SALL4: variants seen among roughly 807,000 people sequenced by gnomAD.
SALL4 encodes sal-like protein 4.
Under a neutral mutation model 60.8 loss-of-function variants are expected in SALL4, and 4 were observed. That is an observed-to-expected ratio of 0.07 (90% CI 0.03 to 0.15). The LOEUF is 0.15. Ranked by LOEUF, SALL4 falls within the 10% of genes least tolerant of loss-of-function variation. The pLI is 1.00. For missense variants in SALL4, 1,178 were observed against 1,394.7 expected (o/e 0.84, Z 2.48); for synonymous variants, 580 against 574.9 (o/e 1.01, Z -0.13).
In SALL4 at chr20:51,802,495, G is replaced by A. The variant is rs1432215857; in HGVS notation, c.-87C>T. On this transcript the variant is annotated 5_prime_UTR_variant, in exon 1 of 4. Coordinates refer to ENST00000217086, the MANE Select transcript of SALL4 (RefSeq NM_020436.5). Reference sequence around the variant, plus strand: ...GGAGTTGGGAAATTTACCCCCCTTCGGCCGGAACGCGCATGTCCCAGTAAT... The same window carrying A: ...GGAGTTGGGAAATTTACCCCCCTTCAGCCGGAACGCGCATGTCCCAGTAAT... The A allele has an allele frequency of 3.1e-6, 5 of 1,590,158 alleles. No individual in the cohort carries two copies. In the East Asian group the frequency reaches 1.1e-4, roughly 36 times the overall value.
rs2078038681 is a variant in SALL4, at chr20:51,791,295, G to A, written c.1188C>T (p.Ser396=). The A allele has an allele frequency of 6.2e-7, 1 of 1,614,088 alleles. No homozygotes were observed. The highest frequency in any genetic ancestry group is 1.3e-5 in the African/African-American group (1 of 75,030). ...TGTGGGAGCGGAGGTGGATCTGCAA[G>A]GAGCTATCAGTCCCAAAAACCTTGC... The part of the protein sequence containing the change: ...YCSKVFGTDS[S]LQIHLRSHTG... Residue 396 remains serine, a synonymous_variant, in exon 2 of 4, where the codon TCC becomes TCT. Coordinates refer to ENST00000217086, the MANE Select transcript of SALL4 (RefSeq NM_020436.5). The surrounding 1 kb of genome is among the most constrained non-coding windows in gnomAD (Gnocchi z 4.6).
chr20:51,797,087 A>G (rs185971178), intron 1 of SALL4, among the ~76,000 whole-genome samples: 8 of 152,198 alleles, frequency 5.3e-5, no homozygotes, highest in Admixed American at 2.6e-4. Flanking sequence ...AATGATGAAT[A>G]TAAGCAACAT....
rs778174580 is a variant in SALL4, at chr20:51,791,335, T to G, written c.1148A>C (p.Lys383Thr). 6 of 1,614,136 alleles carry G rather than the reference T, an allele frequency of 3.7e-6. No homozygotes were observed. In the Admixed American group the frequency reaches 1.0e-4, roughly 27 times the overall value. ...PKDEAALYKH[K>T]CKYCSKVFGT... ...AAAAACCTTGCTACAGTACTTACACTTGTGCTTGTAGAGGGCCGCCTCGTC... is the reference window on the plus strand; with the variant it reads ...AAAAACCTTGCTACAGTACTTACACGTGTGCTTGTAGAGGGCCGCCTCGTC... The change falls in exon 2 of 4, where the codon AAG becomes ACG. Residue 383 changes from lysine (K) to threonine (T), a missense_variant. Coordinates refer to ENST00000217086, the MANE Select transcript of SALL4 (RefSeq NM_020436.5). The surrounding 1 kb of genome is among the most constrained non-coding windows in gnomAD (Gnocchi z 4.6).
chr20:51,792,278 C>G lies in SALL4; in HGVS notation c.205G>C (p.Glu69Gln), dbSNP rs1228101234. The part of the protein sequence containing the change: ...DEATVKRLRR[E>Q]ETHVCEKCCA... ...CATTTCTCACAGACGTGCGTCTCCT[C>G]CCGACGAAGCCGCTTTACTGTGGCT... Residue 69 changes from glutamate (E) to glutamine (Q), a missense_variant, in exon 2 of 4, where the codon GAG (glutamate) becomes CAG (glutamine). Glu to Gln is a conservative substitution (Grantham distance 29). Transcript: ENST00000217086. The G allele has an allele frequency of 6.2e-7, 1 of 1,611,808 alleles. No homozygotes were observed. Among genetic ancestry groups the G allele is most frequent in the Admixed American group, 1.7e-5 (1 of 60,024 alleles).
At position 51,790,853 on chromosome 20, in the gene SALL4, G is replaced by A. The variant is rs150402866; in HGVS notation, c.1630C>T (p.Pro544Ser). 5.6e-5 allele frequency: 91 copies of A among 1,614,080 alleles called. No homozygotes were observed. The African/African-American group carries it at 1.2e-3, about 21-fold the overall frequency. ...TGCAATTTCAGGGTCTCTGACCCTG[G>A]CTCAGGGGTCCCACTCCCTTGGAAG... is the stretch of plus-strand genomic sequence containing the variant. ...GGFQGSGTPE[P>S]GSETLKLQQL... is the part of the protein sequence containing the mutation. Residue 544 changes from proline (P) to serine (S), a missense_variant, in exon 2 of 4, where the codon CCA becomes TCA. This residue lies in a region of SALL4 where 853 missense variants were observed against 1,036.8 expected (regional missense o/e 0.82). Coordinates refer to ENST00000217086, the MANE Select transcript of SALL4 (RefSeq NM_020436.5). This position sits in a 1 kb window ranked among gnomAD's most constrained non-coding sequence, Gnocchi z 5.5.
intron 1 of SALL4, among the ~76,000 whole-genome samples, chr20:51,796,064 G>A (rs964681614): frequency 2.6e-5 from 4 of 151,744 alleles, no homozygotes; most frequent in Non-Finnish European, 5.9e-5. Context: ...GTGTGATGGT[G>A]TGCGCATCGC....
rs762866643 is a variant in SALL4, at chr20:51,790,342, C to G, written c.2141G>C (p.Ser714Thr). 2.5e-6 allele frequency: 4 copies of G among 1,614,114 alleles called. No homozygotes were observed. The African/African-American group carries it at 4.0e-5, about 16-fold the overall frequency. The change falls in exon 2 of 4, where the codon AGC becomes ACC. Residue 714 changes from serine to threonine, a missense_variant. By Grantham distance (58) the Ser-to-Thr change is moderately conservative. Coordinates refer to ENST00000217086, the MANE Select transcript of SALL4 (RefSeq NM_020436.5). The surrounding 1 kb of genome is among the most constrained non-coding windows in gnomAD (Gnocchi z 5.5). ...TAGCGTGGGTGATGCCGAGTGGATG[C>G]TGGGAAGAGGCGTGGGGACCTTGGA... ...SSSKVPTPLP[S>T]IHSASPTLGF... is the part of the protein sequence containing the mutation.
Position 51,788,773 on chromosome 20 carries a change from A to T in SALL4, c.2742+88T>A. 6.6e-7 allele frequency: 1 copy of T among 1,516,444 alleles called. No homozygotes were observed. The highest frequency in any genetic ancestry group is 9.1e-7 in the Non-Finnish European group (1 of 1,101,498). 93.9% of individuals were successfully genotyped at this position (1,516,444 alleles called of 1,614,324 possible). On this transcript the variant is annotated intron_variant, in intron 3 of 3. Coordinates refer to ENST00000217086, the MANE Select transcript of SALL4 (RefSeq NM_020436.5). This position sits in a 1 kb window ranked among gnomAD's most constrained non-coding sequence, Gnocchi z 4.1. Reference sequence around the variant, plus strand: ...CCTCGGCCTCCCAAAGGAGGAATGGAAGGATGGAAGAACTCATCACGGCTT... The same window carrying T: ...CCTCGGCCTCCCAAAGGAGGAATGGTAGGATGGAAGAACTCATCACGGCTT...
chr20:51,789,144 A>G lies in SALL4; in HGVS notation c.2462-3T>C. 1 of 1,613,766 alleles carries G rather than the reference A, an allele frequency of 6.2e-7. No individual in the cohort carries two copies. The highest frequency in any genetic ancestry group is 8.5e-7 in the Non-Finnish European group (1 of 1,179,676). ...CGTGGAAGGGAGACTGCTCCGACCT[A>G]GTACACAGAGGGGAAAAAAGCCAGA... On this transcript the variant is annotated splice_polypyrimidine_tract_variant and splice_region_variant and intron_variant, in intron 2 of 3. Coordinates refer to ENST00000217086, the MANE Select transcript of SALL4 (RefSeq NM_020436.5).
chr20:51,798,531 A>G (rs2078092187), intron 1 of SALL4, among the ~76,000 whole-genome samples: 1 of 152,134 alleles, frequency 6.6e-6, no homozygotes, highest in Non-Finnish European at 1.5e-5. Flanking sequence ...AAAAATGTTT[A>G]GACATTTTAA....
intron 1 of SALL4, among the ~76,000 whole-genome samples, chr20:51,796,403 G>T (rs2078080263): frequency 6.6e-6 from 1 of 152,054 alleles, no homozygotes; most frequent in African/African-American, 2.4e-5. Context: ...GGCCAGCTTT[G>T]AATTCAGCCC....
chr20:51,786,805 A>C (rs796728762), intron 3 of SALL4, among the ~76,000 whole-genome samples: 25 of 152,350 alleles, frequency 1.6e-4, no homozygotes, highest in African/African-American at 6.0e-4. Context: ...AGTTAAAAAC[A>C]ATTTGTGGGC....
At position 51,784,329 on chromosome 20, in the gene SALL4, G is replaced by A. The variant is rs1043409806; in HGVS notation, c.3098C>T (p.Thr1033Ile). The A allele has an allele frequency of 7.4e-6, 12 of 1,614,080 alleles. No individual in the cohort carries two copies. The Admixed American group carries it at 1.3e-4, about 18-fold the overall frequency. Reference sequence around the variant, plus strand: ...AAACTGGTGTTTGGGAACGCCGTCAGTAGCACTTGGTTTTTCCACATCTGC... The same window carrying A: ...AAACTGGTGTTTGGGAACGCCGTCAATAGCACTTGGTTTTTCCACATCTGC... ...ISADVEKPSATDGVPKHQFPH... is the reference protein window; with the variant it reads ...ISADVEKPSAIDGVPKHQFPH... The change falls in exon 4 of 4, where the codon ACT becomes ATT. Residue 1033 changes from threonine to isoleucine, a missense_variant. Physicochemically the swap from Thr to Ile is moderately conservative, Grantham distance 89. Transcript: ENST00000217086.
Position 51,800,659 on chromosome 20 carries a change from C to A in SALL4, c.130+1620G>T, listed in dbSNP as rs1169971138. Among the ~76,000 whole-genome samples the A allele has an allele frequency of 2.6e-5, 4 of 152,142 alleles. No homozygotes were observed. The East Asian group carries it at 7.8e-4, about 30-fold the overall frequency. On this transcript the variant is annotated intron_variant, in intron 1 of 3. Transcript: ENST00000217086. ...GCCCCTCCTCTCCGGAGGAAGCAGG[C>A]GGGCTGAGGGTTAACCCTTTTGTTC... is the stretch of plus-strand genomic sequence containing the variant.
In SALL4 at chr20:51,790,701, G is replaced by T; in HGVS notation, c.1782C>A (p.Phe594Leu). 5 of 1,614,150 alleles carry T rather than the reference G, an allele frequency of 3.1e-6. No individual in the cohort carries two copies. The highest frequency in any genetic ancestry group is 4.2e-6 in the Non-Finnish European group (5 of 1,180,032). Residue 594 changes from phenylalanine to leucine, a missense_variant, in exon 2 of 4, where the codon TTC (phenylalanine) becomes TTA (leucine). Phe to Leu is a conservative substitution (Grantham distance 22). This residue lies in a region of SALL4 where 853 missense variants were observed against 1,036.8 expected (regional missense o/e 0.82). Transcript: ENST00000217086. This position sits in a 1 kb window ranked among gnomAD's most constrained non-coding sequence, Gnocchi z 5.5. ...AGGCTCGGCCACAGATCTTACACTGGAACGGTCTCTCCCCGGTGTGGGTGC... is the reference window on the plus strand; with the variant it reads ...AGGCTCGGCCACAGATCTTACACTGTAACGGTCTCTCCCCGGTGTGGGTGC... ...HYRTHTGERP[F>L]QCKICGRAFS...
chr20:51,790,818 C>T lies in SALL4; in HGVS notation c.1665G>A (p.Val555=). The change falls in exon 2 of 4, where the codon GTG becomes GTA. Residue 555 remains valine, a synonymous_variant. Coordinates refer to ENST00000217086, the MANE Select transcript of SALL4 (RefSeq NM_020436.5). This position sits in a 1 kb window ranked among gnomAD's most constrained non-coding sequence, Gnocchi z 5.5. The part of the protein sequence containing the change: ...GSETLKLQQL[V]ENIDKATTDP... The stretch of plus-strand genomic sequence containing the variant: ...CAGTGGTGGCCTTGTCAATGTTCTC[C>T]ACCAACTGCTGCAATTTCAGGGTCT... 6.2e-7 allele frequency: 1 copy of T among 1,614,092 alleles called. No homozygotes were observed. The highest frequency in any genetic ancestry group is 8.5e-7 in the Non-Finnish European group (1 of 1,180,028).
Position 51,788,534 on chromosome 20 carries a change from C to CA in SALL4, c.2742+326dup, listed in dbSNP as rs553339406. 1.9e-4 allele frequency among the ~76,000 whole-genome samples: 29 copies of CA among 151,944 alleles called. No homozygotes were observed. In the East Asian group the frequency reaches 5.6e-3, roughly 30 times the overall value. Reference sequence around the variant, plus strand: ...TGAAACCCCACCTCTACTAAAAATACAAAAAAATTAGCCGGCCATGGTGGC... The same window carrying CA: ...TGAAACCCCACCTCTACTAAAAATACAAAAAAAATTAGCCGGCCATGGTGGC... On this transcript the variant is annotated intron_variant, in intron 3 of 3. Transcript: ENST00000217086. This position sits in a 1 kb window ranked among gnomAD's most constrained non-coding sequence, Gnocchi z 4.1.
At position 51,783,859 on chromosome 20, in the gene SALL4, C is replaced by CA. The variant is rs1337487893; in HGVS notation, c.*405dup. 3.9e-6 allele frequency: 1 copy of CA among 256,446 alleles called. No homozygotes were observed. The highest frequency in any genetic ancestry group is 7.6e-6 in the Non-Finnish European group (1 of 131,592). 15.9% of individuals were successfully genotyped at this position (256,446 alleles called of 1,614,324 possible). On this transcript the variant is annotated 3_prime_UTR_variant, in exon 4 of 4. Transcript: ENST00000217086. ...AACATGGTGAAACCCAGTCTCTACTCAAAATACAAAATTAGCCGGGCGTGG... is the reference window on the plus strand; with the variant it reads ...AACATGGTGAAACCCAGTCTCTACTCAAAAATACAAAATTAGCCGGGCGTGG...
chr20:51,787,917 G>T (rs969802137), intron 3 of SALL4, among the ~76,000 whole-genome samples: 1 of 152,096 alleles, frequency 6.6e-6, no homozygotes, highest in Non-Finnish European at 1.5e-5. Flanking sequence ...GACCTCCCAG[G>T]TTCAAGTGAT....
Sources: gnomAD v4.1 joint callset for allele counts (sites outside exome capture counted in the v4.1 genomes callset) on GRCh38, gnomAD v4.1.1 for gene constraint, gnomAD v4.1.1 regional missense constraint, Gnocchi (gnomAD v3.1) non-coding constraint, MANE v1.5 for transcripts, NCBI Gene and HGNC (gene_info 2026-07-23, HGNC 2026-07-21) for gene names.